The following FOSL2 variants were observed in gnomAD, a reference collection of about 807,000 sequenced individuals.
The protein encoded by FOSL2 is fos-related antigen 2.
In FOSL2, 3 loss-of-function variants were observed where a neutral mutation model predicts 27.7. The ratio of observed to expected loss-of-function variants is 0.11; its 90% CI spans 0.05 to 0.28. The LOEUF (loss-of-function observed/expected upper bound fraction) is 0.28. Ranked by LOEUF, FOSL2 falls within the 10% of genes least tolerant of loss-of-function variation. FOSL2 has a pLI of 1.00. For missense variants in FOSL2, 333 were observed against 445.1 expected (o/e 0.75, Z 2.27); for synonymous variants, 179 against 190.1 (o/e 0.94, Z 0.48).
chr2:28,411,810 T>G, intron 3 of FOSL2, 120 bp from the exon 4 acceptor site: 5 of 1,004,726 alleles, frequency 5.0e-6, no homozygotes, highest in South Asian at 1.4e-5. Context: ...GCGGGGTCTG[T>G]GGTTAGGTGT....
At position 28,407,789 on chromosome 2, in the gene FOSL2, G is replaced by T. The variant is rs529232599; in HGVS notation, c.355-970G>T. 9.8e-5 allele frequency among the ~76,000 whole-genome samples: 15 copies of T among 152,324 alleles called. 1 individual carries two copies. In the South Asian group the frequency reaches 2.9e-3, roughly 29 times the overall value. On this transcript the variant is annotated intron_variant, in intron 2 of 3. Coordinates refer to ENST00000264716, the MANE Select transcript of FOSL2 (RefSeq NM_005253.4). ...ACAGCCGTCTCCTTGTGTCACCTCT[G>T]CCTGAGAGAGGCATTGGGGTCACAG...
In FOSL2 at chr2:28,408,225, TC is replaced by T. The variant is rs35045910; in HGVS notation, c.355-528del. 1.3e-5 allele frequency among the ~76,000 whole-genome samples: 2 copies of T among 152,038 alleles called. No homozygotes were observed. The highest frequency in any genetic ancestry group is 2.9e-5 in the Non-Finnish European group (2 of 68,010). On this transcript the variant is annotated intron_variant, in intron 2 of 3. Coordinates refer to ENST00000264716, the MANE Select transcript of FOSL2 (RefSeq NM_005253.4). The surrounding 1 kb of genome is among the most constrained non-coding windows in gnomAD (Gnocchi z 4.1). ...GGCCCTCCCATCAGCAACATAACAT[TC>T]CCCCCTGGGTGGTTCTTAACCTGTG...
At chr2:28,394,695 CTG>C (rs1341421341) in intron 1 of FOSL2, 2 of 152,244 alleles carry the variant, frequency 1.3e-5, no homozygotes, top group African/African-American at 2.4e-5. Flanking sequence ...CGTGTGATCT[CTG>C]TGTTTATAAA....
chr2:28,412,466 C>T lies in FOSL2; in HGVS notation c.*18C>T. ...CTCTGTAACCCAGTGCACCTCCCTC[C>T]CCAGCTCCGGAGGGGGTCCTCCTCG... On this transcript the variant is annotated 3_prime_UTR_variant, in exon 4 of 4. Transcript: ENST00000264716. This position sits in a 1 kb window ranked among gnomAD's most constrained non-coding sequence, Gnocchi z 7.1. The T allele has an allele frequency of 6.3e-7, 1 of 1,591,162 alleles. No homozygotes were observed. The highest frequency in any genetic ancestry group is 1.3e-5 in the African/African-American group (1 of 74,928).
At chr2:28,396,233 C>G (rs985805482) in intron 1 of FOSL2, among the ~76,000 whole-genome samples, 12 of 151,536 alleles carry the variant, frequency 7.9e-5, no homozygotes, top group Middle Eastern at 3.2e-3. Flanking sequence ...TTCCCGTCCT[C>G]TCTAGCTTCA....
At chr2:28,398,588 GC>G (rs1663908275) in intron 1 of FOSL2, among the ~76,000 whole-genome samples, 6 of 152,346 alleles carry the variant, frequency 3.9e-5, no homozygotes, top group African/African-American at 1.2e-4. Context: ...GAGGGCTAAG[GC>G]CTTCTCTTTC....
At chr2:28,396,809 C>CACACACACACACACACACAA (rs1663849935) in intron 1 of FOSL2, 2 of 150,408 alleles carry the variant, frequency 1.3e-5, no homozygotes, top group African/African-American at 4.9e-5. Flanking sequence ...CACACACACA[C>CACACACACACACACACACAA]ACACACACAC....
Position 28,393,010 on chromosome 2 carries a change from T to A in FOSL2, c.-711T>A. On this transcript the variant is annotated 5_prime_UTR_variant, in exon 1 of 4. Transcript: ENST00000264716. The surrounding 1 kb of genome is among the most constrained non-coding windows in gnomAD (Gnocchi z 4.6). The stretch of plus-strand genomic sequence containing the variant: ...GAGGCGGGCCCGTCCGGGAGCGGGC[T>A]CCGGGGAAGGGGTGCGGGTCTGGGC... 1.6e-6 allele frequency: 1 copy of A among 620,152 alleles called. No individual in the cohort carries two copies. The highest frequency in any genetic ancestry group is 3.0e-6 in the Non-Finnish European group (1 of 335,894). 38.4% of individuals were successfully genotyped at this position (620,152 alleles called of 1,614,324 possible).
rs556479331 is a variant in FOSL2, at chr2:28,409,671, ACT to A, written c.462+808_462+809del. Among the ~76,000 whole-genome samples, 101 of 152,170 alleles carry A rather than the reference ACT, an allele frequency of 6.6e-4. No individual in the cohort carries two copies. In the South Asian group the frequency reaches 0.021, roughly 31 times the overall value. On this transcript the variant is annotated intron_variant, in intron 3 of 3. Transcript: ENST00000264716. Reference sequence around the variant, plus strand: ...CTTTCAGAGTGAGGAGATGAGAGAGACTCTGTCAGTGGTCCTCACAGTGACTG... The same window carrying A: ...CTTTCAGAGTGAGGAGATGAGAGAGACTGTCAGTGGTCCTCACAGTGACTG...
chr2:28,407,312 T>TCC, intron 2 of FOSL2, among the ~76,000 whole-genome samples: 1 of 152,298 alleles, frequency 6.6e-6, no homozygotes, highest in Middle Eastern at 3.4e-3. Flanking sequence ...AAGACAGGTT[T>TCC]AGGAGCAGGA....
chr2:28,393,540 T>A lies in FOSL2; in HGVS notation c.-181T>A. The A allele has an allele frequency of 3.5e-6, 2 of 572,890 alleles. No homozygotes were observed. The highest frequency in any genetic ancestry group is 6.2e-6 in the Non-Finnish European group (2 of 322,688). 35.5% of individuals were successfully genotyped at this position (572,890 alleles called of 1,614,324 possible). A position where few individuals can be genotyped will look rare whatever the true frequency, so the allele number is the denominator to read the frequency against. On this transcript the variant is annotated 5_prime_UTR_variant, in exon 1 of 4. Transcript: ENST00000264716. The surrounding 1 kb of genome is among the most constrained non-coding windows in gnomAD (Gnocchi z 4.6). ...TGTAAGGGACGCTCGGGGGACGCTG[T>A]TCCTGAGGTGTCGCCGCCTCCCTGT...
Position 28,416,904 on chromosome 2 carries a change from A to G in FOSL2, c.*4456A>G, listed in dbSNP as rs903597832. 2 of 146,190 alleles carry G rather than the reference A, an allele frequency of 1.4e-5. No homozygotes were observed. The highest frequency in any genetic ancestry group is 4.4e-4 in the South Asian group (2 of 4,572). The allele number at this position is 146,190 out of a possible 1,614,324, so 9.1% of individuals were successfully genotyped here. A position where few individuals can be genotyped will look rare whatever the true frequency, so the allele number is the denominator to read the frequency against. On this transcript the variant is annotated 3_prime_UTR_variant, in exon 4 of 4. Coordinates refer to ENST00000264716, the MANE Select transcript of FOSL2 (RefSeq NM_005253.4). ...GACTCTGGAGGCAAACAAGTTGTAT[A>G]TGGTTCATATGGCTCTATGGGGAAT...
chr2:28,411,666 C>T (rs541235540), intron 3 of FOSL2, among the ~76,000 whole-genome samples: 11 of 152,344 alleles, frequency 7.2e-5, no homozygotes, highest in Admixed American at 3.3e-4. Context: ...AAATGCTTAA[C>T]ACTGTGCCCT....
Position 28,413,305 on chromosome 2 carries a change from A to G in FOSL2, c.*857A>G, listed in dbSNP as rs1664244386. 2.5e-6 allele frequency: 1 copy of G among 395,654 alleles called. No individual in the cohort carries two copies. Among genetic ancestry groups the G allele is most frequent in the Admixed American group, 4.4e-5 (1 of 22,616 alleles). The allele number at this position is 395,654 out of a possible 1,614,324, so 24.5% of individuals were successfully genotyped here. A position where few individuals can be genotyped will look rare whatever the true frequency, so the allele number is the denominator to read the frequency against. ...CGGGTGTCCTAGCCAGCTTCCCTTC[A>G]CCTGGTGTCTTGAGTAGGGCGTCTC... On this transcript the variant is annotated 3_prime_UTR_variant, in exon 4 of 4. Transcript: ENST00000264716.
Position 28,414,126 on chromosome 2 carries a change from C to T in FOSL2, c.*1678C>T. The stretch of plus-strand genomic sequence containing the variant: ...CTTGTGCTCTGCAAAGACTCTGCTG[C>T]TGGGGATTCAGCTCTAGAGGTCACA... On this transcript the variant is annotated 3_prime_UTR_variant, in exon 4 of 4. Coordinates refer to ENST00000264716, the MANE Select transcript of FOSL2 (RefSeq NM_005253.4). The T allele has an allele frequency of 3.1e-6, 1 of 323,544 alleles. No individual in the cohort carries two copies. The highest frequency in any genetic ancestry group is 4.7e-5 in the East Asian group (1 of 21,450). 20.0% of individuals were successfully genotyped at this position (323,544 alleles called of 1,614,324 possible). A position where few individuals can be genotyped will look rare whatever the true frequency, so the allele number is the denominator to read the frequency against.
At position 28,412,524 on chromosome 2, in the gene FOSL2, G is replaced by A. The variant is rs373955920; in HGVS notation, c.*76G>A. ...TTCCCAGGGACCAGCACCTTCAAGC[G>A]CTCCAGGGCCGTGAGGGCAAGAGGG... On this transcript the variant is annotated 3_prime_UTR_variant, in exon 4 of 4. Transcript: ENST00000264716. This position sits in a 1 kb window ranked among gnomAD's most constrained non-coding sequence, Gnocchi z 7.1. 11 of 1,518,888 alleles carry A rather than the reference G, an allele frequency of 7.2e-6. No homozygotes were observed. The highest frequency in any genetic ancestry group is 4.5e-5 in the East Asian group (2 of 44,014). The allele number at this position is 1,518,888 out of a possible 1,614,324, so 94.1% of individuals were successfully genotyped here.
chr2:28,411,502 T>C (rs993732911), intron 3 of FOSL2, among the ~76,000 whole-genome samples: 1 of 152,088 alleles, frequency 6.6e-6, no homozygotes, highest in Non-Finnish European at 1.5e-5. Flanking sequence ...TCAGATACAT[T>C]GGGAATCAAA....
intron 1 of FOSL2, among the ~76,000 whole-genome samples, chr2:28,398,064 AT>A (rs1015558018): frequency 6.6e-6 from 1 of 151,972 alleles, no homozygotes; most frequent in Non-Finnish European, 1.5e-5. Flanking sequence ...AATAACTTGG[AT>A]TTTTTTTCTC....
At chr2:28,394,269 C>T (rs1280320864) in intron 1 of FOSL2, among the ~76,000 whole-genome samples, 1 of 152,100 alleles carries the variant, frequency 6.6e-6, no homozygotes, top group African/African-American at 2.4e-5. Context: ...TCTCTCCTCC[C>T]CGTTCTCCAT....
Sources: allele counts gnomAD v4.1 joint callset (sites outside exome capture counted in the v4.1 genomes callset), GRCh38; gene constraint gnomAD v4.1.1; non-coding constraint Gnocchi (gnomAD v3.1); transcripts MANE v1.5; gene names NCBI Gene and HGNC (gene_info 2026-07-23, HGNC 2026-07-21).